The following STX8 variants were observed in gnomAD, a reference collection of about 807,000 sequenced individuals.
STX8 encodes syntaxin-8.
STX8 carries 23 observed loss-of-function variants against 37.5 expected under a neutral mutation model. That is an observed-to-expected ratio of 0.61 (90% confidence interval 0.44 to 0.87). The LOEUF is 0.87. Ranked by LOEUF, STX8 falls within the 40% of genes least tolerant of loss-of-function variation. The pLI is 0.00. For missense variants in STX8, 313 were observed against 284.7 expected (o/e 1.10, Z -0.71); for synonymous variants, 115 against 99.1 (o/e 1.16, Z -0.95).
At chr17:9,323,437 T>A (rs1909643625) in intron 7 of STX8, among the ~76,000 whole-genome samples, 1 of 152,210 alleles carries the variant, frequency 6.6e-6, no homozygotes, top group South Asian at 2.1e-4. Context: ...CTCTGTATTT[T>A]ATAAACCACA....
chr17:9,315,703 A>G (rs1001230009), intron 7 of STX8, among the ~76,000 whole-genome samples: 5 of 152,130 alleles, frequency 3.3e-5, no homozygotes, highest in African/African-American at 1.2e-4. Flanking sequence ...CCCAGCCTGC[A>G]GGATGGCCGG....
chr17:9,393,365 G>A (rs981604648), intron 6 of STX8, among the ~76,000 whole-genome samples: 101 of 152,304 alleles, frequency 6.6e-4, no homozygotes, highest in African/African-American at 2.3e-3. Context: ...AAGTTCTTCA[G>A]ACAGAAGAAA....
At chr17:9,395,575 C>CAAACAAAACA (rs752990276) in intron 6 of STX8, among the ~76,000 whole-genome samples, 1 of 152,186 alleles carries the variant, frequency 6.6e-6, no homozygotes, top group Non-Finnish European at 1.5e-5. Context: ...AAGACTGTCT[C>CAAACAAAACA]AAACAAAACA....
At chr17:9,564,028 T>C (rs1026935211) in intron 2 of STX8, among the ~76,000 whole-genome samples, 4 of 152,164 alleles carry the variant, frequency 2.6e-5, no homozygotes, top group Non-Finnish European at 5.9e-5. Flanking sequence ...AGGCTTTTGA[T>C]AAAATTCAAC....
chr17:9,473,592 G>A (rs141134340), intron 6 of STX8, among the ~76,000 whole-genome samples: 7 of 152,168 alleles, frequency 4.6e-5, no homozygotes, highest in East Asian at 1.9e-4. Flanking sequence ...TAGATGTTAC[G>A]CTATATGGTT....
At chr17:9,274,678 A>AAAT (rs57248368) in intron 7 of STX8, among the ~76,000 whole-genome samples, 7,946 of 106,618 alleles carry the variant, frequency 0.075, 859 homozygotes, top group African/African-American at 0.096. Context: ...TCTGTCTCAA[A>AAAT]AATAATAATA....
intron 7 of STX8, among the ~76,000 whole-genome samples, chr17:9,353,592 A>AT (rs1910780842): frequency 6.6e-6 from 1 of 152,178 alleles, no homozygotes; most frequent in Non-Finnish European, 1.5e-5. Flanking sequence ...ACATCAATAT[A>AT]TTTACTCACT....
rs574856779 is a variant in STX8, at chr17:9,252,033, G to A, written c.644-1388C>T. On this transcript the variant is annotated intron_variant, in intron 7 of 7. Coordinates refer to ENST00000306357, the MANE Select transcript of STX8 (RefSeq NM_004853.3). ...ATATTTAAAAAAATAGGCCGGGCAC[G>A]GTGCCTCATGCCTGTAATCCCAGCA... 1.8e-4 allele frequency among the ~76,000 whole-genome samples: 26 copies of A among 147,370 alleles called. No individual in the cohort carries two copies. In the South Asian group the frequency reaches 5.2e-3, roughly 29 times the overall value.
At chr17:9,356,802 C>G (rs1910892703) in intron 7 of STX8, among the ~76,000 whole-genome samples, 1 of 152,104 alleles carries the variant, frequency 6.6e-6, no homozygotes, top group Non-Finnish European at 1.5e-5. Context: ...CTAGGCATCT[C>G]TAGCACTGGC....
rs771410240 is a variant in STX8, at chr17:9,491,880, G to A, written c.490C>T (p.Arg164Cys). Residue 164 changes from arginine to cysteine, a missense_variant, in exon 6 of 8, where the codon CGC (arginine) becomes TGC (cysteine). Transcript: ENST00000306357. ...GLDALSSIIS[R>C]QKQMGQEIGN... ...ATTTCCTGCCCCATTTGTTTTTGGC[G>A]ACTTATGATAGAGGAAAGGGCATCA... The A allele has an allele frequency of 1.2e-5, 20 of 1,613,522 alleles. No homozygotes were observed. Among genetic ancestry groups the A allele is most frequent in the Admixed American group, 3.3e-5 (2 of 59,916 alleles).
intron 6 of STX8, among the ~76,000 whole-genome samples, chr17:9,486,611 G>T (rs969917419): frequency 6.6e-6 from 1 of 152,166 alleles, no homozygotes; most frequent in African/African-American, 2.4e-5. Flanking sequence ...AATACTTTGG[G>T]AGGCTGAGGT....
chr17:9,474,785 ACAGGGTGAAACC>A (rs1265842952), intron 6 of STX8, among the ~76,000 whole-genome samples: 29 of 152,292 alleles, frequency 1.9e-4, no homozygotes, highest in Non-Finnish European at 3.1e-4. Context: ...ATCCTGGCTA[ACAGGGTGAAACC>A]CTGTCTCTAC....
chr17:9,429,120 T>A (rs1322561358), intron 6 of STX8, among the ~76,000 whole-genome samples: 1 of 151,822 alleles, frequency 6.6e-6, no homozygotes, highest in Non-Finnish European at 1.5e-5. Context: ...CTCAGTGGGG[T>A]TTTTAAAACA....
chr17:9,286,306 G>A (rs1443383914), intron 7 of STX8, among the ~76,000 whole-genome samples: 1 of 152,132 alleles, frequency 6.6e-6, no homozygotes, highest in Non-Finnish European at 1.5e-5. Context: ...ACACACATAC[G>A]CCGATCTTTG....
At position 9,512,308 on chromosome 17, in the gene STX8, C is replaced by G. The variant is rs1022385039; in HGVS notation, c.324-7146G>C. On this transcript the variant is annotated intron_variant, in intron 4 of 7. Coordinates refer to ENST00000306357, the MANE Select transcript of STX8 (RefSeq NM_004853.3). The stretch of plus-strand genomic sequence containing the variant: ...GCGATCCTAAGCAAAAAGAACAAAG[C>G]TGGAGGCATCACACTACCAGACTTC... Among the ~76,000 whole-genome samples the G allele has an allele frequency of 2.0e-5, 3 of 152,250 alleles. No homozygotes were observed. In the East Asian group the frequency reaches 5.8e-4, roughly 29 times the overall value.
At chr17:9,432,409 G>A (rs1051701990) in intron 6 of STX8, among the ~76,000 whole-genome samples, 1 of 152,022 alleles carries the variant, frequency 6.6e-6, no homozygotes, top group Non-Finnish European at 1.5e-5. Context: ...TTACAAACTA[G>A]AGCAAACAAC....
chr17:9,542,142 T>C (rs1422399032), intron 4 of STX8, among the ~76,000 whole-genome samples: 3 of 147,374 alleles, frequency 2.0e-5, no homozygotes, highest in Non-Finnish European at 3.0e-5. Context: ...GCAGATCACC[T>C]GAGGTCAGGA....
chr17:9,415,697 A>G (rs1406130366), intron 6 of STX8, among the ~76,000 whole-genome samples: 1 of 152,192 alleles, frequency 6.6e-6, no homozygotes, highest in African/African-American at 2.4e-5. Flanking sequence ...TGAACCCGGT[A>G]GGTGGAGCTT....
At chr17:9,261,169 G>A (rs534019290) in intron 7 of STX8, among the ~76,000 whole-genome samples, 10 of 152,304 alleles carry the variant, frequency 6.6e-5, no homozygotes, top group East Asian at 5.8e-4. Context: ...CTGGCTGGGC[G>A]TCAGGTGGCC....
Sources: gnomAD v4.1 joint callset for allele counts (sites outside exome capture counted in the v4.1 genomes callset) on GRCh38, gnomAD v4.1.1 for gene constraint, MANE v1.5 for transcripts, NCBI Gene and HGNC (gene_info 2026-07-23, HGNC 2026-07-21) for gene names.